Variants in PPP1R9A observed in about 807,000 individuals in gnomAD.
PPP1R9A encodes protein phosphatase 1 regulatory subunit 9A, also known as neurabin-1.
A neutral mutation model predicts 141.9 loss-of-function variants in PPP1R9A; 59 were observed. The ratio of observed to expected loss-of-function variants is 0.42; its 90% CI spans 0.34 to 0.52. The LOEUF (loss-of-function observed/expected upper bound fraction) is 0.52. PPP1R9A is among the 20% of genes least tolerant of loss of function. PPP1R9A has a pLI of 0.10. For synonymous variants in PPP1R9A, 500 were observed against 569.7 expected, an observed-to-expected ratio of 0.88 and a Z score of 1.74; for missense variants, 1,444 against 1,611.9, an observed-to-expected ratio of 0.90 and a Z score of 1.78.
intron 16 of PPP1R9A, among the ~76,000 whole-genome samples, chr7:95,280,340 C>T (rs1329119962): frequency 6.6e-6 from 1 of 152,168 alleles, no homozygotes; most frequent in Non-Finnish European, 1.5e-5. Flanking sequence ...TTTCTGAACT[C>T]TTAATGATAT....
chr7:94,954,834 CGTGTGTGTGTGTGT>C (rs66968535), intron 2 of PPP1R9A, among the ~76,000 whole-genome samples: 79 of 146,426 alleles, frequency 5.4e-4, no homozygotes, highest in African/African-American at 1.8e-3. Context: ...TGTAAATATG[CGTGTGTGTGTGTGT>C]GTGTGTGTGT....
intron 2 of PPP1R9A, among the ~76,000 whole-genome samples, chr7:95,004,707 AG>A (rs1206403470): frequency 3.3e-5 from 5 of 152,202 alleles, no homozygotes; most frequent in African/African-American, 9.6e-5. Context: ...GATATGACTG[AG>A]AGTAGATACC....
At chr7:95,166,717 A>G (rs1195911792) in intron 5 of PPP1R9A, among the ~76,000 whole-genome samples, 1 of 152,208 alleles carries the variant, frequency 6.6e-6, no homozygotes, top group Non-Finnish European at 1.5e-5. Flanking sequence ...CCAAAAGGAA[A>G]ACTGCAGGCC....
At chr7:94,969,398 GC>G (rs978500570) in intron 2 of PPP1R9A, among the ~76,000 whole-genome samples, 2 of 151,930 alleles carry the variant, frequency 1.3e-5, no homozygotes, top group South Asian at 2.1e-4. Context: ...TAACAGTCAG[GC>G]CCCCCTGCTG....
intron 2 of PPP1R9A, among the ~76,000 whole-genome samples, chr7:94,985,478 C>T (rs1266640905): frequency 1.3e-5 from 2 of 152,026 alleles, no homozygotes. Context: ...TTAGATCTCT[C>T]AGGACTTACC....
intron 7 of PPP1R9A, among the ~76,000 whole-genome samples, chr7:95,220,047 A>G (rs1227918531): frequency 1.3e-5 from 2 of 152,160 alleles, no homozygotes; most frequent in Non-Finnish European, 2.9e-5. Context: ...CTTTAAATGA[A>G]GAAGGTGCTG....
chr7:95,158,390 C>T (rs1205748678), intron 4 of PPP1R9A, among the ~76,000 whole-genome samples: 1 of 152,130 alleles, frequency 6.6e-6, no homozygotes, highest in African/African-American at 2.4e-5. Context: ...GGCAGTGGCT[C>T]ACAGCTGTGA....
At chr7:95,207,769 T>C (rs1322838240) in intron 7 of PPP1R9A, among the ~76,000 whole-genome samples, 1 of 152,186 alleles carries the variant, frequency 6.6e-6, no homozygotes, top group East Asian at 1.9e-4. Context: ...TATAAAGTTA[T>C]AGCAACTTTG....
chr7:95,230,857 A>T (rs531963194), intron 8 of PPP1R9A, among the ~76,000 whole-genome samples: 3 of 152,330 alleles, frequency 2.0e-5, no homozygotes, highest in East Asian at 3.9e-4. Context: ...ATAGAAAAAA[A>T]GGTATTCAAG....
intron 2 of PPP1R9A, among the ~76,000 whole-genome samples, chr7:94,940,970 AAC>A (rs1563022442): frequency 6.6e-6 from 1 of 152,148 alleles, no homozygotes; most frequent in Non-Finnish European, 1.5e-5. Flanking sequence ...CCCTTTAGGC[AAC>A]AACAAAATCA....
In PPP1R9A at chr7:95,260,601, C is replaced by T. The variant is rs368473566; in HGVS notation, c.2666-7949C>T. Among the ~76,000 whole-genome samples, 13 of 151,288 alleles carry T rather than the reference C, an allele frequency of 8.6e-5. No homozygotes were observed. In the East Asian group the frequency reaches 9.7e-4, roughly 11 times the overall value. ...GGCTGAGATGGGAGAATCACCTGAA[C>T]CCGGGAGGCGGAGGTTGCAGTGAAC... On this transcript the variant is annotated intron_variant, in intron 12 of 19. Coordinates refer to ENST00000433360, the MANE Select transcript of PPP1R9A (RefSeq NM_001166160.2).
At chr7:95,005,106 G>A (rs1229034394) in intron 2 of PPP1R9A, among the ~76,000 whole-genome samples, 1 of 152,150 alleles carries the variant, frequency 6.6e-6, no homozygotes, top group Non-Finnish European at 1.5e-5. Flanking sequence ...TATGCACCAC[G>A]TGGGCAGGGA....
At position 95,286,192 on chromosome 7, in the gene PPP1R9A, A is replaced by C; in HGVS notation, c.3610-14A>C. On this transcript the variant is annotated splice_polypyrimidine_tract_variant and intron_variant, in intron 17 of 19. Transcript: ENST00000433360. ...CTGCACTCATTTAACACTGAGCTTC[A>C]TTTATTTTTACAGAATTTTACCTTC... 6.2e-7 allele frequency: 1 copy of C among 1,611,876 alleles called. No individual in the cohort carries two copies.
intron 4 of PPP1R9A, among the ~76,000 whole-genome samples, chr7:95,135,218 A>T (rs185469868): frequency 6.0e-4 from 92 of 152,296 alleles, no homozygotes; most frequent in Admixed American, 3.5e-3. Context: ...GTATTTGTGT[A>T]TGTGTATGGT....
At chr7:95,054,220 A>G (rs1360876786) in intron 2 of PPP1R9A, among the ~76,000 whole-genome samples, 1 of 147,486 alleles carries the variant, frequency 6.8e-6, no homozygotes, top group African/African-American at 2.5e-5. Flanking sequence ...GGTTCAAGCT[A>G]TTCCCCTGCC....
intron 2 of PPP1R9A, among the ~76,000 whole-genome samples, chr7:95,074,246 A>G (rs1814471186): frequency 6.6e-6 from 1 of 152,178 alleles, no homozygotes; most frequent in Non-Finnish European, 1.5e-5. Flanking sequence ...GTAAGAGAAT[A>G]TAAATTTATT....
intron 2 of PPP1R9A, among the ~76,000 whole-genome samples, chr7:95,105,120 T>G (rs1264666686): frequency 6.6e-6 from 1 of 152,192 alleles, no homozygotes; most frequent in Non-Finnish European, 1.5e-5. Flanking sequence ...CCAGTCAGTA[T>G]TTATAGAATA....
intron 2 of PPP1R9A, among the ~76,000 whole-genome samples, chr7:95,072,845 AT>A (rs1419170432): frequency 2.0e-5 from 1 of 50,266 alleles, no homozygotes; most frequent in Non-Finnish European, 3.1e-5. Context: ...TAATTATTAT[AT>A]ATAATATAAG....
intron 6 of PPP1R9A, among the ~76,000 whole-genome samples, chr7:95,200,761 TTAAG>T (rs1245903687): frequency 1.3e-5 from 2 of 152,226 alleles, no homozygotes; most frequent in South Asian, 2.1e-4. Context: ...GGCAAGGAAA[TTAAG>T]TAAATATTCA....
Sources: gnomAD v4.1 joint callset for allele counts (sites outside exome capture counted in the v4.1 genomes callset) on GRCh38, gnomAD v4.1.1 for gene constraint, MANE v1.5 for transcripts, NCBI Gene and HGNC (gene_info 2026-07-23, HGNC 2026-07-21) for gene names.